The following FNIP1 variants were observed in gnomAD, a reference collection of about 807,000 sequenced individuals.
The protein encoded by FNIP1 is folliculin-interacting protein 1.
Under a neutral mutation model 124.5 loss-of-function variants are expected in FNIP1, and 40 were observed. The ratio of observed to expected loss-of-function variants is 0.32; its 90% CI spans 0.25 to 0.42. The LOEUF (loss-of-function observed/expected upper bound fraction) is 0.42. FNIP1 is among the 10% of genes least tolerant of loss of function. The probability of loss-of-function intolerance (pLI) is 1.00; values close to 1 mark genes in which losing one functional copy is unlikely to be tolerated. For synonymous variants in FNIP1, 472 were observed against 470.6 expected (o/e 1.00, Z -0.04); for missense variants, 1,176 against 1,403.7 (o/e 0.84, Z 2.59).
chr5:131,778,879 A>C (rs1340786907), intron 1 of FNIP1, among the ~76,000 whole-genome samples: 2 of 135,132 alleles, frequency 1.5e-5, no homozygotes, highest in African/African-American at 5.7e-5. Context: ...CATCATTCTC[A>C]GTAAACTATC....
chr5:131,677,274 T>G (rs963579010), intron 13 of FNIP1, among the ~76,000 whole-genome samples: 1 of 152,228 alleles, frequency 6.6e-6, no homozygotes, highest in Non-Finnish European at 1.5e-5. Flanking sequence ...TGCTTAACAC[T>G]GAGGGAAACA....
chr5:131,788,064 G>A (rs1381946778), intron 1 of FNIP1, among the ~76,000 whole-genome samples: 1 of 152,054 alleles, frequency 6.6e-6, no homozygotes, highest in Non-Finnish European at 1.5e-5. Flanking sequence ...TTTCAAGAAA[G>A]GCATCAACGG....
intron 16 of FNIP1, among the ~76,000 whole-genome samples, chr5:131,651,522 C>T (rs1767038669): frequency 6.6e-6 from 1 of 152,212 alleles, no homozygotes; most frequent in South Asian, 2.1e-4. Context: ...TGTTTTCTCA[C>T]TGTGTCCTCA....
intron 1 of FNIP1, among the ~76,000 whole-genome samples, chr5:131,763,123 T>C (rs1771288852): frequency 1.3e-5 from 2 of 152,254 alleles, no homozygotes; most frequent in South Asian, 4.1e-4. Context: ...GTGACTACAG[T>C]CAACAAGAAT....
chr5:131,763,565 G>A (rs1182038877), intron 1 of FNIP1, among the ~76,000 whole-genome samples: 2 of 151,996 alleles, frequency 1.3e-5, no homozygotes, highest in Admixed American at 6.6e-5. Flanking sequence ...GCGGGAATAG[G>A]AGGAAGAAAG....
chr5:131,661,220 TTGTGTGTGTGTGTGTGTG>T (rs370206265), intron 15 of FNIP1, among the ~76,000 whole-genome samples: 1 of 147,636 alleles, frequency 6.8e-6, no homozygotes, highest in Non-Finnish European at 1.5e-5. Context: ...TGTCTTTGTT[TTGTGTGTGTGTGTGTGTG>T]TGTGTGTGTG....
intron 11 of FNIP1, 57 bp downstream of exon 11, chr5:131,698,860 G>A (rs1768792786): frequency 7.1e-7 from 1 of 1,401,660 alleles, no homozygotes; most frequent in Non-Finnish European, 9.7e-7. Context: ...AAGAAAAAAT[G>A]AATCTTCCTG....
chr5:131,711,760 T>C (rs1048703441), intron 6 of FNIP1, among the ~76,000 whole-genome samples: 1 of 152,228 alleles, frequency 6.6e-6, no homozygotes, highest in Non-Finnish European at 1.5e-5. Flanking sequence ...CCTCCTAAAG[T>C]GTTGAAATTA....
At chr5:131,740,540 T>C (rs924678466) in intron 2 of FNIP1, among the ~76,000 whole-genome samples, 1 of 152,230 alleles carries the variant, frequency 6.6e-6, no homozygotes, top group Non-Finnish European at 1.5e-5. Context: ...ATTGCACTGT[T>C]GTTGACATAA....
chr5:131,684,829 T>G (rs900279849), intron 11 of FNIP1, among the ~76,000 whole-genome samples: 14 of 152,184 alleles, frequency 9.2e-5, no homozygotes, highest in Non-Finnish European at 2.9e-5. Flanking sequence ...GCCACAAAGC[T>G]TGTGACTGCA....
intron 15 of FNIP1, among the ~76,000 whole-genome samples, chr5:131,657,019 CTTTTTTTTTTTTT>C (rs71000999): frequency 1.1e-5 from 1 of 89,626 alleles, no homozygotes; most frequent in Non-Finnish European, 2.1e-5. Context: ...CCACCCATGC[CTTTTTTTTTTTTT>C]TTTTTTTTTT....
At chr5:131,768,178 C>CA (rs571609830) in intron 1 of FNIP1, among the ~76,000 whole-genome samples, 180 of 152,186 alleles carry the variant, frequency 1.2e-3, no homozygotes, top group African/African-American at 4.3e-3. Flanking sequence ...ATTATATGCA[C>CA]AAAAAATTCA....
At chr5:131,783,588 A>G (rs186016014) in intron 1 of FNIP1, among the ~76,000 whole-genome samples, 566 of 152,308 alleles carry the variant, frequency 3.7e-3, no homozygotes, top group Non-Finnish European at 6.5e-3. Context: ...CTCCAGATTA[A>G]AAGCCCCATC....
chr5:131,684,505 T>C (rs891315194), intron 11 of FNIP1, among the ~76,000 whole-genome samples: 1 of 152,074 alleles, frequency 6.6e-6, no homozygotes, highest in African/African-American at 2.4e-5. Context: ...TGAAGCAAAA[T>C]AATCAAACAA....
rs867277394 is a variant in FNIP1, at chr5:131,679,176, C to T, written c.1203-1G>A. 2 of 1,544,736 alleles carry T rather than the reference C, an allele frequency of 1.3e-6. No individual in the cohort carries two copies. Among genetic ancestry groups the T allele is most frequent in the Non-Finnish European group, 1.8e-6 (2 of 1,119,802 alleles). On this transcript the variant is annotated splice_acceptor_variant, in intron 11 of 17. Transcript: ENST00000510461. LOFTEE classifies it high-confidence loss of function. ...CGTGTAAAGATTACAAATTGTTGTT[C>T]TAAAAAGAGGAAGACACATTATGAA... is the stretch of plus-strand genomic sequence containing the variant.
chr5:131,727,221 T>C (rs1769910150), intron 3 of FNIP1, among the ~76,000 whole-genome samples: 1 of 152,188 alleles, frequency 6.6e-6, no homozygotes, highest in Admixed American at 6.5e-5. Flanking sequence ...TTCTGTCTCG[T>C]TGATCAGTCT....
chr5:131,659,154 T>G (rs1767313524), intron 15 of FNIP1, among the ~76,000 whole-genome samples: 1 of 152,294 alleles, frequency 6.6e-6, no homozygotes, highest in Middle Eastern at 3.4e-3. Context: ...GAGCTGCCCA[T>G]CCACACCAGA....
chr5:131,701,513 T>C (rs1768899167), intron 10 of FNIP1, among the ~76,000 whole-genome samples: 2 of 152,196 alleles, frequency 1.3e-5, no homozygotes, highest in Non-Finnish European at 2.9e-5. Context: ...ATGTAATCAG[T>C]GTCTAACTTA....
intron 11 of FNIP1, among the ~76,000 whole-genome samples, chr5:131,683,684 G>A (rs1278796039): frequency 1.9e-4 from 29 of 151,346 alleles, no homozygotes; most frequent in Admixed American, 1.9e-3. Context: ...AATTTTTATT[G>A]GTTTTTCTTT....
Sources: allele counts gnomAD v4.1 joint callset (sites outside exome capture counted in the v4.1 genomes callset), GRCh38; gene constraint gnomAD v4.1.1; transcripts MANE v1.5; gene names NCBI Gene and HGNC (gene_info 2026-07-23, HGNC 2026-07-21).